ARHGAP27: variants seen among roughly 807,000 people sequenced by gnomAD.
The protein encoded by ARHGAP27 is Rho GTPase activating protein 27, also known as rho GTPase-activating protein 27.
In ARHGAP27, 53 loss-of-function variants were observed where a neutral mutation model predicts 102.0. That is an observed-to-expected ratio of 0.52 (90% CI 0.42 to 0.65). ARHGAP27 has a LOEUF of 0.65. Ranked by LOEUF, ARHGAP27 falls within the 30% of genes least tolerant of loss-of-function variation. The pLI is 0.00. For missense variants in ARHGAP27, 1,117 were observed against 1,256.2 expected, an observed-to-expected ratio of 0.89 and a Z score of 1.68; for synonymous variants, 525 against 542.8, an observed-to-expected ratio of 0.97 and a Z score of 0.46.
Position 45,423,471 on chromosome 17 carries a change from G to T in ARHGAP27, c.657+6152C>A, listed in dbSNP as rs1230083. Among the ~76,000 whole-genome samples, 5 of 152,094 alleles carry T rather than the reference G, an allele frequency of 3.3e-5. No individual in the cohort carries two copies. In the East Asian group the frequency reaches 9.6e-4, roughly 29 times the overall value. ...TGAGCGGGAACTGTAGAAACCTTTC[G>T]AATTCAACTCTGCCAACACCTTCCT... On this transcript the variant is annotated intron_variant, in intron 4 of 19. Coordinates refer to ENST00000685559, the MANE Select transcript of ARHGAP27 (RefSeq NM_001282290.2).
At position 45,395,434 on chromosome 17, in the gene ARHGAP27, C is replaced by A. The variant is rs781757691; in HGVS notation, c.*22G>T. ...GCTTGTGTGGCAGGACCGCGGCCGC[C>A]GCCCCAGTCACAGGCCAGCAGTCAG... is the stretch of plus-strand genomic sequence containing the variant. On this transcript the variant is annotated 3_prime_UTR_variant, in exon 20 of 20. Transcript: ENST00000685559. 6.0e-5 allele frequency: 92 copies of A among 1,542,340 alleles called. No homozygotes were observed. The African/African-American group carries it at 1.2e-3, about 20-fold the overall frequency.
In ARHGAP27 at chr17:45,395,798, G is replaced by C. The variant is rs1356214202; in HGVS notation, c.2438C>G (p.Ser813Trp). 1.2e-6 allele frequency: 2 copies of C among 1,606,312 alleles called. No homozygotes were observed. Among genetic ancestry groups the C allele is most frequent in the East Asian group, 4.5e-5 (2 of 44,546 alleles). ...RSRCVRDLVR[S>W]LPAPNHDTLR... ...AGTGTCGTGGTTGGGAGCGGGCAGCGAGCGCACCAAGTCACGCACACAGCG... is the reference window on the plus strand; with the variant it reads ...AGTGTCGTGGTTGGGAGCGGGCAGCCAGCGCACCAAGTCACGCACACAGCG... Residue 813 changes from serine (S) to tryptophan (W), a missense_variant, in exon 19 of 20, where the codon TCG (serine) becomes TGG (tryptophan). This residue lies in a region of ARHGAP27 where 493 missense variants were observed against 505.5 expected (regional missense o/e 0.98). Coordinates refer to ENST00000685559, the MANE Select transcript of ARHGAP27 (RefSeq NM_001282290.2).
chr17:45,425,494 G>A (rs117905481), intron 4 of ARHGAP27: 31,427 of 943,874 alleles, frequency 0.033, 604 homozygotes, highest in Middle Eastern at 0.069. Flanking sequence ...TTTAGGATTC[G>A]GGAAAGGGAG....
Position 45,395,492 on chromosome 17 carries a change from G to A in ARHGAP27, c.2634C>T (p.Ile878=). 2.5e-6 allele frequency: 4 copies of A among 1,586,508 alleles called. No individual in the cohort carries two copies. Among genetic ancestry groups the A allele is most frequent in the Non-Finnish European group, 3.4e-6 (4 of 1,165,728 alleles). Residue 878 remains isoleucine (I), a synonymous_variant, in exon 20 of 20, where the codon ATC becomes ATT. Transcript: ENST00000685559. ...MVFQNQVVEL[I]LQQCADIFPP... ...GGAAGATGTCCGCGCACTGCTGCAG[G>A]ATGAGCTCCACCACCTGGTTCTGGA...
In ARHGAP27 at chr17:45,430,249, C is replaced by A; in HGVS notation, c.31G>T (p.Val11Leu). ...TACTCGAAGGGGTGCTCCACCAGCA[C>A]GTACACGTCCCCCACCACGTCCGCC... MAADVVGDVY[V>L]LVEHPFEYTG... Residue 11 changes from valine to leucine, a missense_variant, in exon 4 of 20, where the codon GTG becomes TTG. Coordinates refer to ENST00000685559, the MANE Select transcript of ARHGAP27 (RefSeq NM_001282290.2). The surrounding 1 kb of genome is among the most constrained non-coding windows in gnomAD (Gnocchi z 4.4). The A allele has an allele frequency of 6.3e-7, 1 of 1,578,198 alleles. No homozygotes were observed. The highest frequency in any genetic ancestry group is 2.3e-5 in the East Asian group (1 of 43,674).
At chr17:45,425,173 G>C (rs1161666441) in intron 4 of ARHGAP27, among the ~76,000 whole-genome samples, 8 of 151,980 alleles carry the variant, frequency 5.3e-5, no homozygotes, top group Non-Finnish European at 8.8e-5. Context: ...GAGGGAACTG[G>C]GTCAGGTGTA....
chr17:45,403,770 C>T, intron 10 of ARHGAP27, 61 bp from the exon 11 acceptor site: 3 of 1,402,520 alleles, frequency 2.1e-6, no homozygotes, highest in Non-Finnish European at 3.0e-6. Flanking sequence ...GCTGAGGGCC[C>T]CTCCTACCCC....
chr17:45,407,594 A>G (rs1243109859), intron 4 of ARHGAP27: 4 of 133,348 alleles, frequency 3.0e-5, no homozygotes, highest in African/African-American at 1.1e-4. Context: ...GGCTCACTGC[A>G]ACCTCCGCCT....
chr17:45,404,909 G>A lies in ARHGAP27; in HGVS notation c.1248+15C>T, dbSNP rs1265270503. 3.7e-6 allele frequency: 6 copies of A among 1,613,972 alleles called. No homozygotes were observed. Among genetic ancestry groups the A allele is most frequent in the Non-Finnish European group, 5.1e-6 (6 of 1,180,002 alleles). On this transcript the variant is annotated intron_variant, in intron 6 of 19. Transcript: ENST00000685559. ...ACTCTGAGGCTGTCCGGGTCCATCT[G>A]CCCCCTGCCCCTACCTGCTCCTGAG...
chr17:45,405,966 C>G lies in ARHGAP27; in HGVS notation c.775G>C (p.Gly259Arg). The change falls in exon 5 of 20, where the codon GGC (glycine) becomes CGC (arginine). Residue 259 changes from glycine (G) to arginine (R), a missense_variant. Around this residue, in one of 3 missense-constraint regions of ARHGAP27, gnomAD observed 610 missense variants for 716.4 expected, o/e 0.85. Coordinates refer to ENST00000685559, the MANE Select transcript of ARHGAP27 (RefSeq NM_001282290.2). ...SPVWETHTDA[G>R]TGRPYYYNPD... ...TTGTAGTAGTAGGGGCGCCCGGTGC[C>G]CGCGTCCGTGTGCGTCTCCCACACC... 1 of 1,535,630 alleles carries G rather than the reference C, an allele frequency of 6.5e-7. No individual in the cohort carries two copies. The highest frequency in any genetic ancestry group is 8.7e-7 in the Non-Finnish European group (1 of 1,146,736).
rs990077739 is a variant in ARHGAP27, at chr17:45,405,961, G to A, written c.780C>T (p.Thr260=). 2 of 1,535,912 alleles carry A rather than the reference G, an allele frequency of 1.3e-6. No individual in the cohort carries two copies. The highest frequency in any genetic ancestry group is 2.4e-5 in the East Asian group (1 of 40,902). The change falls in exon 5 of 20, where the codon ACC becomes ACT. Residue 260 remains threonine (T), a synonymous_variant. Coordinates refer to ENST00000685559, the MANE Select transcript of ARHGAP27 (RefSeq NM_001282290.2). The stretch of plus-strand genomic sequence containing the variant: ...CTGGGTTGTAGTAGTAGGGGCGCCC[G>A]GTGCCCGCGTCCGTGTGCGTCTCCC... The part of the protein sequence containing the change: ...PVWETHTDAG[T]GRPYYYNPDT...
chr17:45,432,044 G>C (rs1021689476), intron 2 of ARHGAP27, among the ~76,000 whole-genome samples, 172 bp downstream of exon 2: 3 of 126,846 alleles, frequency 2.4e-5, no homozygotes, highest in African/African-American at 3.1e-5. Context: ...TTTGCTGTCC[G>C]GGAGTGCCTG....
rs1349628820 is a variant in ARHGAP27, at chr17:45,427,357, G to T, written c.657+2266C>A. Among the ~76,000 whole-genome samples the T allele has an allele frequency of 6.6e-6, 1 of 152,238 alleles. No homozygotes were observed. The highest frequency in any genetic ancestry group is 2.4e-5 in the African/African-American group (1 of 41,458). ...AACCCTATGCTCCACTCTGAGCCCC[G>T]GCCCCATGTCTTCTCTTGCTGGCCT... On this transcript the variant is annotated intron_variant, in intron 4 of 19. Coordinates refer to ENST00000685559, the MANE Select transcript of ARHGAP27 (RefSeq NM_001282290.2). The surrounding 1 kb of genome is among the most constrained non-coding windows in gnomAD (Gnocchi z 4.5).
At chr17:45,400,122 C>T (rs2046265513) in intron 12 of ARHGAP27, among the ~76,000 whole-genome samples, 1 of 152,154 alleles carries the variant, frequency 6.6e-6, no homozygotes, top group Admixed American at 6.5e-5. Flanking sequence ...ACGATCAAGC[C>T]ACTGCACTCC....
intron 4 of ARHGAP27, among the ~76,000 whole-genome samples, chr17:45,407,354 C>T (rs1295443744): frequency 2.0e-5 from 3 of 151,958 alleles, no homozygotes; most frequent in Admixed American, 2.0e-4. Flanking sequence ...TGCCAGGTTC[C>T]AGCCTTTTCC....
rs1244146778 is a variant in ARHGAP27 at position 45,395,081 on chromosome 17, C to G, written c.*375G>C. 3 of 279,228 alleles carry G rather than the reference C, an allele frequency of 1.1e-5. No individual in the cohort carries two copies. Among genetic ancestry groups the G allele is most frequent in the Non-Finnish European group, 2.1e-5 (3 of 146,296 alleles). The allele number at this position is 279,228 out of a possible 1,614,324, so 17.3% of individuals were successfully genotyped here. A position where few individuals can be genotyped will look rare whatever the true frequency, so the allele number is the denominator to read the frequency against. On this transcript the variant is annotated 3_prime_UTR_variant, in exon 20 of 20. Transcript: ENST00000685559. ...GTGAAGGCCTCCACGAGGTGAGGGC[C>G]AGAAGCAGCCAGGAAGCCCTCCATC...
chr17:45,430,284 G>A lies in ARHGAP27; in HGVS notation c.-5C>T. 1 of 1,565,052 alleles carries A rather than the reference G, an allele frequency of 6.4e-7. No individual in the cohort carries two copies. Among genetic ancestry groups the A allele is most frequent in the South Asian group, 1.2e-5 (1 of 86,460 alleles). On this transcript the variant is annotated 5_prime_UTR_variant, in exon 4 of 20. Transcript: ENST00000685559. The surrounding 1 kb of genome is among the most constrained non-coding windows in gnomAD (Gnocchi z 4.4). ...CCCCACCACGTCCGCCGCCATCGCAGCCGCGGCGTTTTCCTGCGGGCAACA... is the reference window on the plus strand; with the variant it reads ...CCCCACCACGTCCGCCGCCATCGCAACCGCGGCGTTTTCCTGCGGGCAACA...
chr17:45,409,990 T>A, intron 4 of ARHGAP27: 3 of 543,150 alleles, frequency 5.5e-6, no homozygotes, highest in South Asian at 4.6e-5. Context: ...TGGTACTGCC[T>A]TACAGTGGTT....
intron 12 of ARHGAP27, among the ~76,000 whole-genome samples, chr17:45,399,024 A>G (rs901486905): frequency 1.1e-4 from 17 of 152,094 alleles, no homozygotes; most frequent in Non-Finnish European, 1.9e-4. Context: ...CCAGAGGGAA[A>G]CTTGCCACCA....
Sources: gnomAD v4.1 joint callset for allele counts (sites outside exome capture counted in the v4.1 genomes callset) on GRCh38, gnomAD v4.1.1 for gene constraint, gnomAD v4.1.1 regional missense constraint, Gnocchi (gnomAD v3.1) non-coding constraint, MANE v1.5 for transcripts, NCBI Gene and HGNC (gene_info 2026-07-23, HGNC 2026-07-21) for gene names.